ADAMTS2: variants seen among roughly 807,000 people sequenced by gnomAD.
ADAMTS2 encodes ADAM metallopeptidase with thrombospondin type 1 motif 2, also known as A disintegrin and metalloproteinase with thrombospondin motifs 2.
ADAMTS2 carries 50 observed loss-of-function variants against 123.0 expected under a neutral mutation model. The ratio of observed to expected loss-of-function variants is 0.41; its 90% confidence interval spans 0.32 to 0.51. ADAMTS2 has a LOEUF of 0.51. ADAMTS2 is among the 20% of genes least tolerant of loss of function. The pLI, the probability that ADAMTS2 is intolerant of heterozygous loss-of-function variation, is 0.35. For missense variants in ADAMTS2, 1,494 were observed against 1,705.2 expected (o/e 0.88, Z 2.18); for synonymous variants, 678 against 695.4 (o/e 0.98, Z 0.39).
Position 179,158,606 on chromosome 5 carries a change from G to T in ADAMTS2, c.1132+117C>A. ...CCCTCACCCAGCTAAGGTGGCCACG[G>T]CCTTCCCTGCCCTGACACTCTTCCC... is the stretch of plus-strand genomic sequence containing the variant. On this transcript the variant is annotated intron_variant, in intron 6 of 21. Coordinates refer to ENST00000251582, the MANE Select transcript of ADAMTS2 (RefSeq NM_014244.5). This position sits in a 1 kb window ranked among gnomAD's most constrained non-coding sequence, Gnocchi z 5.0. 3 of 1,422,274 alleles carry T rather than the reference G, an allele frequency of 2.1e-6. No individual in the cohort carries two copies. Among genetic ancestry groups the T allele is most frequent in the Non-Finnish European group, 2.9e-6 (3 of 1,019,080 alleles). 88.1% of individuals were successfully genotyped at this position (1,422,274 alleles called of 1,614,324 possible).
chr5:179,135,792 G>T, intron 13 of ADAMTS2, 117 bp downstream of exon 13: 1 of 1,479,870 alleles, frequency 6.8e-7, no homozygotes, highest in Non-Finnish European at 9.2e-7. Flanking sequence ...CATTGTTTCT[G>T]ACACTTCGTA....
intron 2 of ADAMTS2, among the ~76,000 whole-genome samples, chr5:179,340,382 C>T (rs952802759): frequency 2.0e-5 from 3 of 152,196 alleles, no homozygotes; most frequent in African/African-American, 4.8e-5. Flanking sequence ...TGCAGCCCAG[C>T]GCAGGTCACG....
rs1766267385 is a variant in ADAMTS2, at chr5:179,262,798, G to A, written c.688+10113C>T. Among the ~76,000 whole-genome samples the A allele has an allele frequency of 6.6e-6, 1 of 152,268 alleles. No homozygotes were observed. Among genetic ancestry groups the A allele is most frequent in the Non-Finnish European group, 1.5e-5 (1 of 68,044 alleles). ...CCAGGTCTCCCCTGCGGGGCTGTGA[G>A]CCCAGAGAACAGGGACTCGATCGGG... On this transcript the variant is annotated intron_variant, in intron 3 of 21. Transcript: ENST00000251582. The surrounding 1 kb of genome is among the most constrained non-coding windows in gnomAD (Gnocchi z 5.9).
At chr5:179,221,477 C>T (rs569659432) in intron 3 of ADAMTS2, among the ~76,000 whole-genome samples, 1 of 152,284 alleles carries the variant, frequency 6.6e-6, no homozygotes, top group Admixed American at 6.5e-5. Context: ...GCACCAAGCA[C>T]AGTCCATGTC....
chr5:179,278,165 CCCCCCCGAGACCAAAGGCTGA>C (rs562708103), intron 2 of ADAMTS2, among the ~76,000 whole-genome samples: 1,137 of 95,444 alleles, frequency 0.012, 31 homozygotes, highest in Non-Finnish European at 0.019. Context: ...CAAAGGCTGA[CCCCCCCGAGACCAAAGGCTGA>C]CCCCCCCAAG....
chr5:179,161,788 A>T (rs188407141), intron 5 of ADAMTS2, among the ~76,000 whole-genome samples: 1 of 152,322 alleles, frequency 6.6e-6, no homozygotes, highest in East Asian at 1.9e-4. Flanking sequence ...TAAATATCAC[A>T]CCCTACCCCA....
At chr5:179,142,156 T>C (rs953883586) in intron 10 of ADAMTS2, among the ~76,000 whole-genome samples, 2 of 152,270 alleles carry the variant, frequency 1.3e-5, no homozygotes, top group East Asian at 1.9e-4. Context: ...GCGTGGAGGA[T>C]GTTCATGTCT....
chr5:179,265,607 G>A (rs760864121), intron 3 of ADAMTS2, among the ~76,000 whole-genome samples: 7 of 152,316 alleles, frequency 4.6e-5, no homozygotes, highest in Admixed American at 2.0e-4. Flanking sequence ...AGCCAGGCCC[G>A]GGAGCTGGCC....
intron 3 of ADAMTS2, among the ~76,000 whole-genome samples, chr5:179,215,522 C>T (rs188254356): frequency 1.2e-4 from 19 of 152,192 alleles, no homozygotes; most frequent in East Asian, 9.6e-4. Context: ...GTTAAAATGG[C>T]GGATTGAACA....
In ADAMTS2 at chr5:179,188,517, ATCT is replaced by A. The variant is rs1764225351; in HGVS notation, c.892-7365_892-7363del. Among the ~76,000 whole-genome samples the A allele has an allele frequency of 6.6e-6, 1 of 152,256 alleles. No individual in the cohort carries two copies. Among genetic ancestry groups the A allele is most frequent in the East Asian group, 1.9e-4 (1 of 5,174 alleles). ...ATGAGAATCAACGTTCCCATTGCAG[ATCT>A]TCTTCACCCTCGGCTCCTCAGCAGA... On this transcript the variant is annotated intron_variant, in intron 4 of 21. Coordinates refer to ENST00000251582, the MANE Select transcript of ADAMTS2 (RefSeq NM_014244.5). The surrounding 1 kb of genome is among the most constrained non-coding windows in gnomAD (Gnocchi z 5.1).
At position 179,317,501 on chromosome 5, in the gene ADAMTS2, C is replaced by A. The variant is rs1310363897; in HGVS notation, c.534+26266G>T. 1.3e-5 allele frequency among the ~76,000 whole-genome samples: 2 copies of A among 152,090 alleles called. No individual in the cohort carries two copies. Among genetic ancestry groups the A allele is most frequent in the African/African-American group, 2.4e-5 (1 of 41,394 alleles). ...GGCGGAGGGTGCACTCATGAGACTT[C>A]TATAAGCACGGACCCAGAGGCCATC... On this transcript the variant is annotated intron_variant, in intron 2 of 21. Transcript: ENST00000251582. This position sits in a 1 kb window ranked among gnomAD's most constrained non-coding sequence, Gnocchi z 4.9.
At position 179,152,328 on chromosome 5, in the gene ADAMTS2, G is replaced by A. The variant is rs189603939; in HGVS notation, c.1516-73C>T. ...CTCCCAGGGATGCCACCCACCCCCG[G>A]GTTCTGGAACCTGAGATGCCCCAGT... On this transcript the variant is annotated intron_variant, in intron 9 of 21. Transcript: ENST00000251582. 172 of 1,446,910 alleles carry A rather than the reference G, an allele frequency of 1.2e-4. 1 individual carries two copies. In the African/African-American group the frequency reaches 2.2e-3, roughly 18 times the overall value. 89.6% of individuals were successfully genotyped at this position (1,446,910 alleles called of 1,614,324 possible).
At chr5:179,190,693 C>T (rs780077705) in intron 4 of ADAMTS2, among the ~76,000 whole-genome samples, 7 of 152,240 alleles carry the variant, frequency 4.6e-5, no homozygotes, top group Admixed American at 1.3e-4. Flanking sequence ...CACGGACATG[C>T]GTGACAAAAG....
At chr5:179,229,735 G>A (rs545565822) in intron 3 of ADAMTS2, among the ~76,000 whole-genome samples, 49 of 152,342 alleles carry the variant, frequency 3.2e-4, no homozygotes, top group African/African-American at 1.1e-3. Flanking sequence ...GAAATGGGCC[G>A]CAGGCAGCAT....
chr5:179,200,836 C>A (rs148176976), intron 4 of ADAMTS2, among the ~76,000 whole-genome samples: 17 of 152,098 alleles, frequency 1.1e-4, no homozygotes, highest in Non-Finnish European at 2.5e-4. Flanking sequence ...AAAAGGTCAA[C>A]AACAGGACTG....
At chr5:179,304,788 T>C (rs1397751369) in intron 2 of ADAMTS2, among the ~76,000 whole-genome samples, 1 of 152,196 alleles carries the variant, frequency 6.6e-6, no homozygotes. Flanking sequence ...AATATTTGGA[T>C]AAATAATGGC....
chr5:179,150,812 A>C (rs1205574766), intron 10 of ADAMTS2: 1 of 153,216 alleles, frequency 6.5e-6, no homozygotes, highest in Non-Finnish European at 1.5e-5. Context: ...TCCTTTTTGC[A>C]GGGATGAAAA....
At position 179,112,697 on chromosome 5, in the gene ADAMTS2, C is replaced by G. The variant is rs147412020; in HGVS notation, c.*1170G>C. 6.6e-6 allele frequency: 1 copy of G among 152,328 alleles called. No individual in the cohort carries two copies. Among genetic ancestry groups the G allele is most frequent in the South Asian group, 2.1e-4 (1 of 4,834 alleles). The allele number at this position is 152,328 out of a possible 1,614,324, so 9.4% of individuals were successfully genotyped here. A position where few individuals can be genotyped will look rare whatever the true frequency, so the allele number is the denominator to read the frequency against. ...CCCACAAAGCCCAGAATCCCAGAAC[C>G]CTTAGACTTGGCCGTAGGGAGATTC... is the stretch of plus-strand genomic sequence containing the variant. On this transcript the variant is annotated 3_prime_UTR_variant, in exon 22 of 22. Transcript: ENST00000251582.
At position 179,307,541 on chromosome 5, in the gene ADAMTS2, T is replaced by C. The variant is rs977387207; in HGVS notation, c.535-34477A>G. ...GTCCCAAGCCTGTGACCTCATTCTCTATGCTCCTCACGGCTGCCCCACAGA... is the reference window on the plus strand; with the variant it reads ...GTCCCAAGCCTGTGACCTCATTCTCCATGCTCCTCACGGCTGCCCCACAGA... On this transcript the variant is annotated intron_variant, in intron 2 of 21. Transcript: ENST00000251582. This position sits in a 1 kb window ranked among gnomAD's most constrained non-coding sequence, Gnocchi z 5.6. Among the ~76,000 whole-genome samples the C allele has an allele frequency of 1.3e-5, 2 of 152,172 alleles. No homozygotes were observed. The highest frequency in any genetic ancestry group is 6.5e-5 in the Admixed American group (1 of 15,286).
Sources: gnomAD v4.1 joint callset for allele counts (sites outside exome capture counted in the v4.1 genomes callset) on GRCh38, gnomAD v4.1.1 for gene constraint, Gnocchi (gnomAD v3.1) non-coding constraint, MANE v1.5 for transcripts, NCBI Gene and HGNC (gene_info 2026-07-23, HGNC 2026-07-21) for gene names.